PDE4D: variants seen among roughly 807,000 people sequenced by gnomAD.
PDE4D encodes the protein phosphodiesterase 4D, also known as 3',5'-cyclic-AMP phosphodiesterase 4D.
PDE4D carries 24 observed loss-of-function variants against 87.4 expected under a neutral mutation model. The observed-to-expected ratio is 0.27, with a 90% CI of 0.20 to 0.39. The LOEUF (loss-of-function observed/expected upper bound fraction) is 0.39. Ranked by LOEUF, PDE4D falls within the 10% of genes least tolerant of loss-of-function variation. The pLI, the probability that PDE4D is intolerant of heterozygous loss-of-function variation, is 1.00. For synonymous variants in PDE4D, 384 were observed against 383.2 expected (o/e 1.00, Z -0.02); for missense variants, 714 against 1,041.0 (o/e 0.69, Z 4.32).
intron 2 of PDE4D, among the ~76,000 whole-genome samples, chr5:60,122,369 T>C (rs1778766883): frequency 6.6e-6 from 1 of 152,262 alleles, no homozygotes; most frequent in Non-Finnish European, 1.5e-5. Flanking sequence ...GCCCTGCCCC[T>C]GCAGCAAACT....
intron 1 of PDE4D, among the ~76,000 whole-genome samples, chr5:60,513,096 T>A (rs1458951598): frequency 6.6e-6 from 1 of 152,122 alleles, no homozygotes; most frequent in Non-Finnish European, 1.5e-5. Context: ...ATAATAATGA[T>A]AGATTTAAAC....
At chr5:59,420,471 G>A (rs1006977784) in intron 1 of PDE4D, among the ~76,000 whole-genome samples, 2 of 152,138 alleles carry the variant, frequency 1.3e-5, no homozygotes, top group Non-Finnish European at 2.9e-5. Context: ...CATCATATGG[G>A]ATTCCCAGCA....
chr5:60,039,868 A>G (rs1452861310), intron 2 of PDE4D, among the ~76,000 whole-genome samples: 2 of 152,214 alleles, frequency 1.3e-5, no homozygotes, highest in African/African-American at 4.8e-5. Context: ...AGAGCAAAAA[A>G]TAAACAGAGC....
chr5:59,249,570 A>G (rs564040239), intron 1 of PDE4D, among the ~76,000 whole-genome samples: 9 of 152,308 alleles, frequency 5.9e-5, no homozygotes, highest in African/African-American at 1.9e-4. Flanking sequence ...TGGCAAATAC[A>G]TAAGTTACAA....
intron 5 of PDE4D, among the ~76,000 whole-genome samples, chr5:59,145,533 T>C (rs1474195349): frequency 1.3e-5 from 2 of 152,250 alleles, no homozygotes; most frequent in Non-Finnish European, 2.9e-5. Flanking sequence ...GGATTTAAAA[T>C]GCAATTTTAC....
intron 1 of PDE4D, among the ~76,000 whole-genome samples, chr5:60,377,114 T>C (rs1386296012): frequency 6.6e-6 from 1 of 152,228 alleles, no homozygotes; most frequent in African/African-American, 2.4e-5. Flanking sequence ...ATATTGTCCA[T>C]GTGCCTCCTG....
intron 3 of PDE4D, among the ~76,000 whole-genome samples, chr5:59,947,245 T>C (rs1757817997): frequency 6.6e-6 from 1 of 152,190 alleles, no homozygotes; most frequent in Non-Finnish European, 1.5e-5. Flanking sequence ...CACTTTTGTG[T>C]AGAGAGCACT....
At chr5:59,129,586 A>C (rs977001267) in intron 5 of PDE4D, among the ~76,000 whole-genome samples, 4 of 152,226 alleles carry the variant, frequency 2.6e-5, no homozygotes, top group African/African-American at 9.7e-5. Flanking sequence ...CAAGCCATTA[A>C]GTTAATATTC....
chr5:59,106,324 T>G (rs1457227780), intron 5 of PDE4D, among the ~76,000 whole-genome samples: 2 of 152,230 alleles, frequency 1.3e-5, no homozygotes, highest in Non-Finnish European at 2.9e-5. Flanking sequence ...AGAGGGCAGA[T>G]TAGAATCTGC....
chr5:60,105,353 G>A (rs1776764791), intron 2 of PDE4D, among the ~76,000 whole-genome samples: 1 of 152,142 alleles, frequency 6.6e-6, no homozygotes, highest in South Asian at 2.1e-4. Context: ...CAAGAAATAT[G>A]GGACTATGTG....
At chr5:59,841,111 G>A in intron 1 of PDE4D, among the ~76,000 whole-genome samples, 1 of 152,006 alleles carries the variant, frequency 6.6e-6, no homozygotes, top group Admixed American at 6.6e-5. Context: ...CTTGCACTTG[G>A]GGTGGCCACT....
At chr5:59,045,925 A>G (rs1760549030) in intron 5 of PDE4D, among the ~76,000 whole-genome samples, 1 of 152,224 alleles carries the variant, frequency 6.6e-6, no homozygotes, top group Non-Finnish European at 1.5e-5. Context: ...TTCTTATCTA[A>G]GACAATCTCT....
chr5:59,685,734 T>C (rs76817470), intron 1 of PDE4D, among the ~76,000 whole-genome samples: 1 of 152,122 alleles, frequency 6.6e-6, no homozygotes, highest in Non-Finnish European at 1.5e-5. Flanking sequence ...ATTTTTTTTT[T>C]CTGCCAAAGA....
chr5:59,653,854 AAAG>A (rs1561412096), intron 1 of PDE4D, among the ~76,000 whole-genome samples: 3 of 150,058 alleles, frequency 2.0e-5, no homozygotes, highest in Admixed American at 6.7e-5. Flanking sequence ...GAAAAGGGGG[AAAG>A]AAGAAGAAGG....
intron 5 of PDE4D, chr5:59,063,265 T>A (rs1763418846): frequency 6.6e-6 from 1 of 152,202 alleles, no homozygotes; most frequent in African/African-American, 2.4e-5. Context: ...ATTATTTGTT[T>A]TGAACATTTT....
chr5:60,441,020 T>C (rs768865999), intron 1 of PDE4D, among the ~76,000 whole-genome samples: 8 of 152,122 alleles, frequency 5.3e-5, no homozygotes, highest in Non-Finnish European at 1.0e-4. Flanking sequence ...TGTGGCATAA[T>C]TGGACCTTTG....
At chr5:60,513,932 A>G (rs997158299) in intron 1 of PDE4D, among the ~76,000 whole-genome samples, 1 of 150,988 alleles carries the variant, frequency 6.6e-6, no homozygotes, top group Middle Eastern at 3.4e-3. Context: ...AATTATAATT[A>G]TATAAGAACA....
intron 1 of PDE4D, among the ~76,000 whole-genome samples, chr5:59,548,458 C>T (rs1817620300): frequency 6.6e-6 from 1 of 152,070 alleles, no homozygotes; most frequent in African/African-American, 2.4e-5. Flanking sequence ...GTACCAGGCA[C>T]CCACCTAGGT....
At chr5:60,041,561 T>C (rs1365491686) in intron 2 of PDE4D, among the ~76,000 whole-genome samples, 4 of 151,898 alleles carry the variant, frequency 2.6e-5, no homozygotes, top group South Asian at 2.1e-4. Context: ...GCGAGACCAA[T>C]GCAGAAGGCA....
Sources: gnomAD v4.1 joint callset for allele counts (sites outside exome capture counted in the v4.1 genomes callset) on GRCh38, gnomAD v4.1.1 for gene constraint, MANE v1.5 for transcripts, NCBI Gene and HGNC (gene_info 2026-07-23, HGNC 2026-07-21) for gene names.